Variants in PIK3C2G observed in about 807,000 individuals in gnomAD.
The protein encoded by PIK3C2G is phosphatidylinositol 3-kinase C2 domain-containing subunit gamma.
Under a neutral mutation model 181.1 loss-of-function variants are expected in PIK3C2G, and 168 were observed. The observed-to-expected ratio is 0.93, with a 90% CI of 0.82 to 1.05. PIK3C2G has a LOEUF of 1.05. PIK3C2G is among the 50% of genes least tolerant of loss of function. PIK3C2G has a pLI of 0.00. For synonymous variants in PIK3C2G, 573 were observed against 592.2 expected (o/e 0.97, Z 0.47); for missense variants, 1,869 against 1,732.8 (o/e 1.08, Z -1.40).
rs1565450298 is a variant in PIK3C2G, at chr12:18,497,606, TTGTTTTTAACAGGC to T, written c.2887-10_2890del. ...AAGGAAAAACCCAGGGTCTATAATT[TTGTTTTTAACAGGC>T]TGGAGATGATCTTCGTCAGGATATG... is the stretch of plus-strand genomic sequence containing the variant. On this transcript the variant is annotated splice_acceptor_variant and splice_polypyrimidine_tract_variant and coding_sequence_variant and intron_variant, in exon 22 of 33. Transcript: ENST00000538779. LOFTEE classifies it high-confidence loss of function. 6.2e-7 allele frequency: 1 copy of T among 1,608,038 alleles called. No individual in the cohort carries two copies. The highest frequency in any genetic ancestry group is 1.1e-5 in the South Asian group (1 of 90,390).
chr12:18,473,307 T>A (rs1273431366), intron 18 of PIK3C2G, among the ~76,000 whole-genome samples: 2 of 152,238 alleles, frequency 1.3e-5, no homozygotes, highest in African/African-American at 2.4e-5. Context: ...TTGTTTAATT[T>A]CACATGCTTG....
At chr12:18,511,596 A>C (rs889539702) in intron 24 of PIK3C2G, among the ~76,000 whole-genome samples, 1 of 151,750 alleles carries the variant, frequency 6.6e-6, no homozygotes, top group African/African-American at 2.4e-5. Flanking sequence ...TTATGTACTT[A>C]TTGGCCATTT....
intron 18 of PIK3C2G, among the ~76,000 whole-genome samples, chr12:18,431,888 T>A (rs1368788926): frequency 1.3e-5 from 2 of 152,180 alleles, no homozygotes; most frequent in African/African-American, 4.8e-5. Context: ...ATAGAATCCC[T>A]ACCTTCAGCA....
chr12:18,316,298 A>C (rs764622345), intron 6 of PIK3C2G, among the ~76,000 whole-genome samples: 1 of 152,150 alleles, frequency 6.6e-6, no homozygotes, highest in Non-Finnish European at 1.5e-5. Flanking sequence ...TATTAAACTT[A>C]AGATTCTTCA....
intron 19 of PIK3C2G, among the ~76,000 whole-genome samples, chr12:18,490,929 A>T (rs1017556447): frequency 7.2e-5 from 11 of 152,152 alleles, no homozygotes; most frequent in African/African-American, 2.7e-4. Context: ...TGTCCAGTAA[A>T]CTATTTGTTC....
At chr12:18,418,690 T>C (rs1945311519) in intron 16 of PIK3C2G, among the ~76,000 whole-genome samples, 2 of 152,016 alleles carry the variant, frequency 1.3e-5, no homozygotes, top group Non-Finnish European at 2.9e-5. Flanking sequence ...TCAACAGAAC[T>C]CGGCAACTGA....
chr12:18,599,268 A>G lies in PIK3C2G; in HGVS notation c.4087+4699A>G, dbSNP rs868760886. On this transcript the variant is annotated intron_variant, in intron 30 of 32. Coordinates refer to ENST00000538779, the MANE Select transcript of PIK3C2G (RefSeq NM_001288772.2). The stretch of plus-strand genomic sequence containing the variant: ...CAACCCAAATGTCCAACAATGAAAG[A>G]CTGGATTAAGAAAATGTGGCACATA... 3.2e-3 allele frequency among the ~76,000 whole-genome samples: 487 copies of G among 152,246 alleles called. 2 individuals are homozygous for G. Among genetic ancestry groups the G allele is most frequent in the African/African-American group, 0.011 (460 of 41,520 alleles).
rs1404221480 is a variant in PIK3C2G at position 18,647,869 on chromosome 12, T to G, written c.4309-7T>G. ...ATTTATATTTTCATTATTTTCTCCG[T>G]TTTTAGGTAGTATATGATGAAGTCA... On this transcript the variant is annotated splice_polypyrimidine_tract_variant and splice_region_variant and intron_variant, in intron 32 of 32. Coordinates refer to ENST00000538779, the MANE Select transcript of PIK3C2G (RefSeq NM_001288772.2). 2 of 1,478,922 alleles carry G rather than the reference T, an allele frequency of 1.4e-6. No individual in the cohort carries two copies. The highest frequency in any genetic ancestry group is 1.8e-6 in the Non-Finnish European group (2 of 1,100,640). 91.6% of individuals were successfully genotyped at this position (1,478,922 alleles called of 1,614,324 possible).
downstream of PIK3C2G, among the ~76,000 whole-genome samples, chr12:18,649,147 T>C (rs565664717): frequency 6.6e-4 from 101 of 152,230 alleles, no homozygotes; most frequent in African/African-American, 2.4e-3. Flanking sequence ...TATACACCCT[T>C]CTGTCTGCTG....
intron 18 of PIK3C2G, among the ~76,000 whole-genome samples, chr12:18,465,952 A>G (rs754303022): frequency 1.3e-5 from 2 of 151,150 alleles, no homozygotes; most frequent in Non-Finnish European, 3.0e-5. Context: ...GTTATTCTAC[A>G]TACTTCTTTT....
At chr12:18,267,193 C>A (rs1948539927) in intron 1 of PIK3C2G, among the ~76,000 whole-genome samples, 1 of 151,932 alleles carries the variant, frequency 6.6e-6, no homozygotes, top group Admixed American at 6.6e-5. Flanking sequence ...ATCAATTCTG[C>A]TTTAAGGAAT....
chr12:18,396,935 T>C (rs909629341), intron 15 of PIK3C2G, among the ~76,000 whole-genome samples: 3 of 151,812 alleles, frequency 2.0e-5, no homozygotes, highest in Admixed American at 2.0e-4. Flanking sequence ...CCAATATTTA[T>C]GTGGAATGCA....
At chr12:18,645,830 T>G (rs571897819) in intron 32 of PIK3C2G, among the ~76,000 whole-genome samples, 2 of 152,194 alleles carry the variant, frequency 1.3e-5, no homozygotes, top group Non-Finnish European at 2.9e-5. Context: ...AACTTACAAT[T>G]TATGACTTAT....
intron 5 of PIK3C2G, among the ~76,000 whole-genome samples, chr12:18,303,202 C>CTTTCTTTCTCT (rs1325456399): frequency 1.5e-5 from 2 of 134,174 alleles, no homozygotes; most frequent in African/African-American, 5.6e-5. Context: ...CTTTCTTTTC[C>CTTTCTTTCTCT]TTTCTTTCTC....
At chr12:18,668,502 C>G in the PIK3C2G span, among the ~76,000 whole-genome samples, 1 of 152,172 alleles carries the variant, frequency 6.6e-6, no homozygotes. Flanking sequence ...TGCCTGCCGT[C>G]TACTACAACT....
chr12:18,327,789 C>T (rs1951414511), intron 8 of PIK3C2G, among the ~76,000 whole-genome samples: 1 of 151,950 alleles, frequency 6.6e-6, no homozygotes, highest in African/African-American at 2.4e-5. Flanking sequence ...ATGCTTACTT[C>T]ATGCAAATTA....
At chr12:18,537,360 G>T (rs1006798774) in intron 24 of PIK3C2G, among the ~76,000 whole-genome samples, 2 of 152,010 alleles carry the variant, frequency 1.3e-5, no homozygotes, top group Non-Finnish European at 2.9e-5. Context: ...CTTATTCAAT[G>T]AGTGGTAATT....
chr12:18,408,548 A>C (rs143008431), intron 16 of PIK3C2G, among the ~76,000 whole-genome samples: 1 of 152,220 alleles, frequency 6.6e-6, no homozygotes, highest in African/African-American at 2.4e-5. Flanking sequence ...ACAAAAGCCA[A>C]AACAGACAAA....
At position 18,269,912 on chromosome 12, in the gene PIK3C2G, C is replaced by T. The variant is rs1014895523; in HGVS notation, c.-79+8335C>T. On this transcript the variant is annotated intron_variant, in intron 1 of 32. Coordinates refer to ENST00000538779, the MANE Select transcript of PIK3C2G (RefSeq NM_001288772.2). Reference sequence around the variant, plus strand: ...ACCCTTTTTTCTTTTTTTTTCTTTTCTTTTTTTTTTTTTTTGAGATGGCAT... The same window carrying T: ...ACCCTTTTTTCTTTTTTTTTCTTTTTTTTTTTTTTTTTTTTGAGATGGCAT... Among the ~76,000 whole-genome samples, 30 of 136,886 alleles carry T rather than the reference C, an allele frequency of 2.2e-4. 2 individuals are homozygous for T. The highest frequency in any genetic ancestry group is 2.5e-4 in the Non-Finnish European group (16 of 64,058). The allele number at this position is 136,886 out of a possible 152,430, so 89.8% of individuals were successfully genotyped here. A position where few individuals can be genotyped will look rare whatever the true frequency, so the allele number is the denominator to read the frequency against.
Sources: allele counts gnomAD v4.1 joint callset (sites outside exome capture counted in the v4.1 genomes callset), GRCh38; gene constraint gnomAD v4.1.1; transcripts MANE v1.5; gene names NCBI Gene and HGNC (gene_info 2026-07-23, HGNC 2026-07-21).